Variants in GAS2 observed in about 807,000 individuals in gnomAD.
GAS2 encodes the protein growth arrest specific 2, also known as growth arrest-specific protein 2.
GAS2 carries 20 observed loss-of-function variants against 37.5 expected under a neutral mutation model. The ratio of observed to expected loss-of-function variants is 0.53; its 90% confidence interval spans 0.37 to 0.77. GAS2 has a LOEUF of 0.77. GAS2 is among the 30% of genes least tolerant of loss of function. The pLI is 0.00. For synonymous variants in GAS2, 144 were observed against 132.2 expected (o/e 1.09, Z -0.61); for missense variants, 336 against 373.4 (o/e 0.90, Z 0.82).
chr11:22,630,799 T>G (rs1858735507), intron 1 of GAS2, among the ~76,000 whole-genome samples: 1 of 152,218 alleles, frequency 6.6e-6, no homozygotes, highest in Admixed American at 6.5e-5. Context: ...CCTCTAGATT[T>G]GTTCTTTTTG....
intron 7 of GAS2, among the ~76,000 whole-genome samples, chr11:22,781,721 A>AC: frequency 6.6e-6 from 1 of 152,270 alleles, no homozygotes; most frequent in African/African-American, 2.4e-5. Context: ...TACTCGGTGT[A>AC]ACACATTATA....
intron 1 of GAS2, among the ~76,000 whole-genome samples, chr11:22,669,939 A>G (rs1849135140): frequency 6.6e-6 from 1 of 152,132 alleles, no homozygotes; most frequent in African/African-American, 2.4e-5. Context: ...GAAAATGTAT[A>G]TTTTGTGAGA....
intron 3 of GAS2, among the ~76,000 whole-genome samples, chr11:22,720,032 A>G (rs1851873096): frequency 6.6e-6 from 1 of 151,892 alleles, no homozygotes; most frequent in South Asian, 2.1e-4. Flanking sequence ...AGTTTATATT[A>G]CTCCAGAGAT....
At chr11:22,646,392 A>C (rs1017576637) in intron 1 of GAS2, among the ~76,000 whole-genome samples, 1 of 152,154 alleles carries the variant, frequency 6.6e-6, no homozygotes, top group Non-Finnish European at 1.5e-5. Context: ...CTGACTGCCA[A>C]ATTTTCCCTT....
chr11:22,763,046 A>G (rs1854481932), intron 7 of GAS2, among the ~76,000 whole-genome samples: 1 of 152,178 alleles, frequency 6.6e-6, no homozygotes. Flanking sequence ...TTTCTAGTTT[A>G]AGAAATATGA....
intron 7 of GAS2, among the ~76,000 whole-genome samples, chr11:22,789,547 C>T (rs1203067098): frequency 1.4e-5 from 2 of 142,888 alleles, no homozygotes; most frequent in African/African-American, 5.2e-5. Flanking sequence ...CTGCAAGCTC[C>T]ACCTACCGGG....
At chr11:22,739,275 C>G (rs1852921244) in intron 5 of GAS2, among the ~76,000 whole-genome samples, 1 of 152,018 alleles carries the variant, frequency 6.6e-6, no homozygotes, top group Admixed American at 6.6e-5. Flanking sequence ...GCATCTATTG[C>G]TTAAGAAAGG....
At chr11:22,658,187 A>C (rs903428512) in intron 1 of GAS2, among the ~76,000 whole-genome samples, 1 of 151,934 alleles carries the variant, frequency 6.6e-6, no homozygotes, top group Non-Finnish European at 1.5e-5. Flanking sequence ...CACCATGCTC[A>C]GCTAATTTTT....
At chr11:22,809,133 G>A (rs952040118) in intron 7 of GAS2, among the ~76,000 whole-genome samples, 28 of 152,148 alleles carry the variant, frequency 1.8e-4, no homozygotes, top group Admixed American at 4.6e-4. Flanking sequence ...TACTGTGACC[G>A]AAACACCATG....
chr11:22,808,054 A>G (rs748473934), intron 7 of GAS2, among the ~76,000 whole-genome samples: 1 of 152,188 alleles, frequency 6.6e-6, no homozygotes, highest in East Asian at 1.9e-4. Context: ...CATCAGTTCT[A>G]TGGGACACTT....
At position 22,749,234 on chromosome 11, in the gene GAS2, G is replaced by C; in HGVS notation, c.588G>C (p.Lys196Asn). ...PSPSSKSSGK[K>N]STGNLLDDAV... ...CTTCATCAAAGTCTTCTGGAAAAAA[G>C]AGTACAGGAAACTTACTGGATGATG... The change falls in exon 6 of 8, where the codon AAG (lysine) becomes AAC (asparagine). Residue 196 changes from lysine (K) to asparagine (N), a missense_variant. Lys to Asn is a moderately conservative substitution (Grantham distance 94). Coordinates refer to ENST00000454584, the MANE Select transcript of GAS2 (RefSeq NM_001143830.3). 1 of 1,612,086 alleles carries C rather than the reference G, an allele frequency of 6.2e-7. No homozygotes were observed. The highest frequency in any genetic ancestry group is 8.5e-7 in the Non-Finnish European group (1 of 1,178,952).
chr11:22,687,954 T>A (rs1850047585), intron 3 of GAS2, among the ~76,000 whole-genome samples: 1 of 152,206 alleles, frequency 6.6e-6, no homozygotes, highest in Non-Finnish European at 1.5e-5. Flanking sequence ...GTAGTAAAGA[T>A]TAACCAACTC....
intron 7 of GAS2, among the ~76,000 whole-genome samples, chr11:22,778,593 G>A (rs1202382269): frequency 6.6e-6 from 1 of 152,222 alleles, no homozygotes; most frequent in East Asian, 1.9e-4. Context: ...GCAGTTTAGA[G>A]GTAACAGGAA....
At chr11:22,779,016 G>A (rs545586631) in intron 7 of GAS2, among the ~76,000 whole-genome samples, 9 of 151,062 alleles carry the variant, frequency 6.0e-5, no homozygotes, top group African/African-American at 1.7e-4. Flanking sequence ...CATAAACTAG[G>A]GCAAAACAAT....
chr11:22,805,106 A>G (rs925782369), intron 7 of GAS2, among the ~76,000 whole-genome samples: 1 of 150,996 alleles, frequency 6.6e-6, no homozygotes, highest in African/African-American at 2.4e-5. Flanking sequence ...TTTTTTTTTT[A>G]GATCGGTCAC....
intron 6 of GAS2, among the ~76,000 whole-genome samples, chr11:22,749,542 C>A (rs1224186350): frequency 1.3e-5 from 2 of 151,978 alleles, no homozygotes; most frequent in East Asian, 3.8e-4. Context: ...ACATGAAAGT[C>A]TCTTTGTCAC....
rs1206733787 is a variant in GAS2 at position 22,640,848 on chromosome 11, A to AC, written c.-21+15036dup. Among the ~76,000 whole-genome samples, 15 of 152,290 alleles carry AC rather than the reference A, an allele frequency of 9.8e-5. No homozygotes were observed. The South Asian group carries it at 3.1e-3, about 32-fold the overall frequency. On this transcript the variant is annotated intron_variant, in intron 1 of 5. Transcript: ENST00000528582. Reference sequence around the variant, plus strand: ...AAAGTTTGTGAATTACTGCTCTAACACAGGCATTCTAACACTATTAGCTAA... The same window carrying AC: ...AAAGTTTGTGAATTACTGCTCTAACACCAGGCATTCTAACACTATTAGCTAA...
chr11:22,800,873 G>C (rs534215231), intron 7 of GAS2, among the ~76,000 whole-genome samples: 2 of 151,966 alleles, frequency 1.3e-5, no homozygotes, highest in African/African-American at 4.8e-5. Context: ...GGTTTTGCTT[G>C]TTTGTTGTTT....
intron 7 of GAS2, among the ~76,000 whole-genome samples, chr11:22,793,527 C>A (rs1856283078): frequency 6.6e-6 from 1 of 151,764 alleles, no homozygotes; most frequent in African/African-American, 2.4e-5. Flanking sequence ...ATGTTTGGAG[C>A]CTATTAGATT....
Sources: allele counts gnomAD v4.1 joint callset (sites outside exome capture counted in the v4.1 genomes callset), GRCh38; gene constraint gnomAD v4.1.1; transcripts MANE v1.5; gene names NCBI Gene and HGNC (gene_info 2026-07-23, HGNC 2026-07-21).